The following MMP19 variants were observed in gnomAD, a reference collection of about 807,000 sequenced individuals.
The protein encoded by MMP19 is matrix metallopeptidase 19.
MMP19 carries 47 observed loss-of-function variants against 46.6 expected under a neutral mutation model. The observed-to-expected ratio is 1.01, with a 90% CI of 0.80 to 1.29. The LOEUF (loss-of-function observed/expected upper bound fraction) is 1.29, where lower values mean the gene tolerates loss of function less well. Among genes scored for constraint, MMP19 ranks in the 50% most tolerant of loss-of-function variants. MMP19 has a pLI of 0.00. For synonymous variants in MMP19, 222 were observed against 248.5 expected (o/e 0.89, Z 1.00); for missense variants, 589 against 643.5 (o/e 0.92, Z 0.92).
At position 55,842,367 on chromosome 12, in the gene MMP19, G is replaced by C. The variant is rs754112173; in HGVS notation, c.159C>G (p.Ile53Met). The C allele has an allele frequency of 5.7e-5, 92 of 1,613,554 alleles. No homozygotes were observed. Among genetic ancestry groups the C allele is most frequent in the Non-Finnish European group, 7.5e-5 (88 of 1,179,600 alleles). ...TAGCTTCTCACCTCAGAGCCTCGGT[G>C]ATATCTTCTGGCTTGAAGTTATTAG... ...EGSNNFKPED[I>M]TEALRAFQEA... The change falls in exon 2 of 9, where the codon ATC (isoleucine) becomes ATG (methionine). Residue 53 changes from isoleucine to methionine, a missense_variant. Ile to Met is a conservative substitution (Grantham distance 10). Coordinates refer to ENST00000322569, the MANE Select transcript of MMP19 (RefSeq NM_002429.6).
At chr12:55,839,396 G>GA (rs762565128) in intron 5 of MMP19, 100 bp downstream of exon 5, 8 of 1,424,606 alleles carry the variant, frequency 5.6e-6, no homozygotes, top group Non-Finnish European at 7.6e-6. Context: ...GGAGAAGAAA[G>GA]ACACTAAGCT....
intron 5 of MMP19, 53 bp downstream of exon 5, chr12:55,839,443 C>T: frequency 6.5e-7 from 1 of 1,549,930 alleles, no homozygotes; most frequent in Non-Finnish European, 8.7e-7. Context: ...TCTCTTCAAG[C>T]CTTGACGTGG....
At chr12:55,840,422 G>A (rs1240319226) in intron 4 of MMP19, among the ~76,000 whole-genome samples, 2 of 127,600 alleles carry the variant, frequency 1.6e-5, no homozygotes, top group African/African-American at 2.9e-5. Context: ...GGGAGGGAGA[G>A]AAGGAAGGGA....
At position 55,842,856 on chromosome 12, in the gene MMP19, G is replaced by T; in HGVS notation, c.-26C>A. Reference sequence around the variant, plus strand: ...GGTCCCACCAGACGAGAGCTCCAGAGGCTGTCCGTGCCTCTGACCTGAGAT... The same window carrying T: ...GGTCCCACCAGACGAGAGCTCCAGATGCTGTCCGTGCCTCTGACCTGAGAT... On this transcript the variant is annotated 5_prime_UTR_variant, in exon 1 of 9. Transcript: ENST00000322569. The T allele has an allele frequency of 6.4e-7, 1 of 1,560,102 alleles. No homozygotes were observed. Among genetic ancestry groups the T allele is most frequent in the Non-Finnish European group, 8.7e-7 (1 of 1,149,440 alleles).
Position 55,837,351 on chromosome 12 carries a change from G to A in MMP19, c.1212C>T (p.Asp404=), listed in dbSNP as rs1351396820. The A allele has an allele frequency of 1.1e-5, 17 of 1,604,398 alleles. No individual in the cohort carries two copies. Among genetic ancestry groups the A allele is most frequent in the African/African-American group, 1.3e-5 (1 of 74,698 alleles). ...TGCTGAAGTCAGTTCGGGCTAGCTC[G>A]TCCCACTGCCAGTACCCGGAGCCCT... The part of the protein sequence containing the change: ...LFKGSGYWQW[D]ELARTDFSSY... Residue 404 remains aspartate, a synonymous_variant, in exon 9 of 9, where the codon GAC becomes GAT. Transcript: ENST00000322569.
rs530939053 is a variant in MMP19 at position 55,835,446 on chromosome 12, G to C, written c.*1590C>G. ...ACACACAGCTAATTTTTATGTATTCGTTTTTATTTTTTTGCAGAGACAGGG... is the reference window on the plus strand; with the variant it reads ...ACACACAGCTAATTTTTATGTATTCCTTTTTATTTTTTTGCAGAGACAGGG... On this transcript the variant is annotated 3_prime_UTR_variant, in exon 9 of 9. Coordinates refer to ENST00000322569, the MANE Select transcript of MMP19 (RefSeq NM_002429.6). 8.5e-5 allele frequency: 13 copies of C among 152,314 alleles called. No individual in the cohort carries two copies. Among genetic ancestry groups the C allele is most frequent in the African/African-American group, 2.9e-4 (12 of 41,522 alleles). 9.4% of individuals were successfully genotyped at this position (152,314 alleles called of 1,614,324 possible).
chr12:55,839,796 A>G (rs1565697981), intron 4 of MMP19, 55 bp from the exon 5 acceptor site: 2 of 1,551,566 alleles, frequency 1.3e-6, no homozygotes, highest in African/African-American at 1.4e-5. Flanking sequence ...AGGCTAGAGC[A>G]CACCCTGCCT....
In MMP19 at chr12:55,836,047, A is replaced by G. The variant is rs373066610; in HGVS notation, c.*989T>C. 1 of 152,376 alleles carries G rather than the reference A, an allele frequency of 6.6e-6. No homozygotes were observed. The highest frequency in any genetic ancestry group is 2.4e-5 in the African/African-American group (1 of 41,564). The allele number at this position is 152,376 out of a possible 1,614,324, so 9.4% of individuals were successfully genotyped here. A position where few individuals can be genotyped will look rare whatever the true frequency, so the allele number is the denominator to read the frequency against. Reference sequence around the variant, plus strand: ...TTCTCTGCTTCTCACCGTGGGTGGCACTAATTTCCTCCTTAACCAGAACTT... The same window carrying G: ...TTCTCTGCTTCTCACCGTGGGTGGCGCTAATTTCCTCCTTAACCAGAACTT... On this transcript the variant is annotated 3_prime_UTR_variant, in exon 9 of 9. Transcript: ENST00000322569.
At chr12:55,839,965 C>T (rs906541934) in intron 4 of MMP19, 1 of 592,298 alleles carries the variant, frequency 1.7e-6, no homozygotes, top group Non-Finnish European at 2.9e-6. Flanking sequence ...TCCCTGCTCT[C>T]TGACCCAGTC....
At chr12:55,840,008 A>G in intron 4 of MMP19, 1 of 437,478 alleles carries the variant, frequency 2.3e-6, no homozygotes, top group Non-Finnish European at 4.1e-6. Flanking sequence ...GTATGCCTTG[A>G]ACAGGGGAAC....
chr12:55,842,755 C>T lies in MMP19; in HGVS notation c.76G>A (p.Val26Met). 6.2e-7 allele frequency: 1 copy of T among 1,605,490 alleles called. No homozygotes were observed. Residue 26 changes from valine (V) to methionine (M), a missense_variant, in exon 1 of 9, where the codon GTG (valine) becomes ATG (methionine). By Grantham distance (21) the Val-to-Met change is conservative. Transcript: ENST00000322569. ...CTTGGGGGACTTACCACAGGCGCCA[C>T]CTCTGCAAGCCCCAGGACCCGGCCT... is the stretch of plus-strand genomic sequence containing the variant. The part of the protein sequence containing the change: ...VSGRVLGLAE[V>M]APVDYLSQYG...
In MMP19 at chr12:55,837,337, GT is replaced by G. The variant is rs1565695391; in HGVS notation, c.1225del (p.Thr409LeufsTer25). On this transcript the variant is annotated frameshift_variant, in exon 9 of 9. Transcript: ENST00000322569. LOFTEE classifies it low-confidence loss of function (END_TRUNC). ...GYWQWDELAR[T>X]DFSSYPKPIK... ...TGGTTTGGGGTAGCTGCTGAAGTCA[GT>G]TCGGGCTAGCTCGTCCCACTGCCAG... The G allele has an allele frequency of 1.2e-6, 2 of 1,609,020 alleles. No homozygotes were observed. The highest frequency in any genetic ancestry group is 2.2e-5 in the East Asian group (1 of 44,720).
rs116993354 is a variant in MMP19 at position 55,836,485 on chromosome 12, T to C, written c.*551A>G. On this transcript the variant is annotated 3_prime_UTR_variant, in exon 9 of 9. Coordinates refer to ENST00000322569, the MANE Select transcript of MMP19 (RefSeq NM_002429.6). ...ATGTACCAGACACTGTGCCAGGCAC[T>C]TCACATACAGTATTTCATTTAGTGC... The C allele has an allele frequency of 5.0e-4, 76 of 152,990 alleles. No individual in the cohort carries two copies. The highest frequency in any genetic ancestry group is 9.8e-4 in the Non-Finnish European group (67 of 68,322). The allele number at this position is 152,990 out of a possible 1,614,324, so 9.5% of individuals were successfully genotyped here. A position where few individuals can be genotyped will look rare whatever the true frequency, so the allele number is the denominator to read the frequency against.
Position 55,836,970 on chromosome 12 carries a change from G to A in MMP19, c.*66C>T, listed in dbSNP as rs963257076. 3.6e-6 allele frequency: 5 copies of A among 1,393,338 alleles called. No homozygotes were observed. The highest frequency in any genetic ancestry group is 4.9e-6 in the Non-Finnish European group (5 of 1,026,180). The allele number at this position is 1,393,338 out of a possible 1,614,324, so 86.3% of individuals were successfully genotyped here. ...TATTAGGCCTTAGGCTTCTGGGGGG[G>A]AAATGAAAGGGTGGGTGGTGGAGCC... On this transcript the variant is annotated 3_prime_UTR_variant, in exon 9 of 9. Transcript: ENST00000322569.
intron 6 of MMP19, chr12:55,838,267 C>A: frequency 1.6e-6 from 1 of 622,100 alleles, no homozygotes; most frequent in Non-Finnish European, 2.8e-6. Context: ...GAACCTCACC[C>A]TCCCCTCCAA....
chr12:55,837,777 C>T (rs1592604320), intron 7 of MMP19, 66 bp downstream of exon 7: 2 of 1,596,998 alleles, frequency 1.3e-6, no homozygotes, highest in East Asian at 4.5e-5. Flanking sequence ...TCTCATCTCC[C>T]TCCCTTTTAT....
In MMP19 at chr12:55,837,252, A is replaced by G. The variant is rs1190936564; in HGVS notation, c.1311T>C (p.Asp437=). The change falls in exon 9 of 9, where the codon GAT becomes GAC. Residue 437 remains aspartate (D), a synonymous_variant. Coordinates refer to ENST00000322569, the MANE Select transcript of MMP19 (RefSeq NM_002429.6). ...NQPSAAMSWQ[D]GRVYFFKGKV... ...TGCCCTTGAAGAAGTAGACTCGGCC[A>G]TCTTGCCAACTCATAGCAGCCGAGG... 2 of 1,614,080 alleles carry G rather than the reference A, an allele frequency of 1.2e-6. No homozygotes were observed. Among genetic ancestry groups the G allele is most frequent in the East Asian group, 4.5e-5 (2 of 44,880 alleles).
chr12:55,840,680 A>G lies in MMP19; in HGVS notation c.507T>C (p.Thr169=), dbSNP rs946734756. The change falls in exon 4 of 9, where the codon ACT becomes ACC. Residue 169 remains threonine (T), a synonymous_variant. Transcript: ENST00000322569. ...ACTGTTGCCTACCAGGCCCATCAAA[A>G]GTATTGGAACAGTACGAGCTTTGGC... The part of the protein sequence containing the change: ...HGRQSSYCSN[T]FDGPGRVLAH... The G allele has an allele frequency of 4.3e-6, 7 of 1,613,334 alleles. No individual in the cohort carries two copies. The African/African-American group carries it at 6.7e-5, about 15-fold the overall frequency.
At chr12:55,840,517 GC>G in intron 4 of MMP19, 149 bp downstream of exon 4, 1 of 689,472 alleles carries the variant, frequency 1.5e-6, no homozygotes, top group Non-Finnish European at 2.3e-6. Context: ...GACCAACTGC[GC>G]CCGTGCTCCC....
Sources: gnomAD v4.1 joint callset for allele counts (sites outside exome capture counted in the v4.1 genomes callset) on GRCh38, gnomAD v4.1.1 for gene constraint, MANE v1.5 for transcripts, NCBI Gene and HGNC (gene_info 2026-07-23, HGNC 2026-07-21) for gene names.